GRIA4: variants seen among roughly 807,000 people sequenced by gnomAD.
GRIA4 encodes the protein glutamate ionotropic receptor AMPA type subunit 4, also known as glutamate receptor 4.
Under a neutral mutation model 104.0 loss-of-function variants are expected in GRIA4, and 34 were observed. The observed-to-expected ratio is 0.33, with a 90% CI of 0.25 to 0.44. The LOEUF (loss-of-function observed/expected upper bound fraction) is 0.44. GRIA4 is among the 20% of genes least tolerant of loss of function. The pLI is 1.00. For missense variants in GRIA4, 750 were observed against 1,096.5 expected (o/e 0.68, Z 4.46); for synonymous variants, 386 against 381.9 (o/e 1.01, Z -0.13).
intron 4 of GRIA4, among the ~76,000 whole-genome samples, chr11:105,796,326 TTCAAACC>T (rs1172878294): frequency 8.5e-5 from 13 of 152,198 alleles, no homozygotes; most frequent in Non-Finnish European, 4.4e-5. Context: ...ATTTTTCTTT[TTCAAACC>T]TTGAATCTGA....
chr11:105,649,717 A>G (rs1344508651), intron 3 of GRIA4, among the ~76,000 whole-genome samples: 1 of 152,108 alleles, frequency 6.6e-6, no homozygotes, highest in Admixed American at 6.6e-5. Context: ...AATTGGCTTC[A>G]TCTTTCAGAA....
At chr11:105,791,043 G>T (rs558533103) in intron 4 of GRIA4, among the ~76,000 whole-genome samples, 7 of 152,236 alleles carry the variant, frequency 4.6e-5, no homozygotes, top group African/African-American at 1.7e-4. Flanking sequence ...TAGATGATGA[G>T]CTCGGCTGAT....
chr11:105,638,365 G>A (rs933036537), intron 3 of GRIA4, among the ~76,000 whole-genome samples: 2 of 152,168 alleles, frequency 1.3e-5, no homozygotes, highest in South Asian at 2.1e-4. Context: ...CAAAAGCAGA[G>A]TGTAGTTGCA....
intron 4 of GRIA4, among the ~76,000 whole-genome samples, chr11:105,768,231 T>C (rs1339287856): frequency 6.6e-6 from 1 of 152,078 alleles, no homozygotes; most frequent in Non-Finnish European, 1.5e-5. Flanking sequence ...AGTTTAATAC[T>C]GAAAGTAAAA....
At position 105,652,397 on chromosome 11, in the gene GRIA4, T is replaced by G. The variant is rs1266007734; in HGVS notation, c.247+39963T>G. Among the ~76,000 whole-genome samples the G allele has an allele frequency of 3.9e-5, 6 of 152,156 alleles. No individual in the cohort carries two copies. In the East Asian group the frequency reaches 9.7e-4, roughly 25 times the overall value. Reference sequence around the variant, plus strand: ...CTGACTCGAGGTAGGCTGGGCTGAGTAGAGTTTTCTATTTTAACACAGGCT... The same window carrying G: ...CTGACTCGAGGTAGGCTGGGCTGAGGAGAGTTTTCTATTTTAACACAGGCT... On this transcript the variant is annotated intron_variant, in intron 3 of 16. Transcript: ENST00000282499.
chr11:105,956,834 T>C (rs1387082625), intron 14 of GRIA4, among the ~76,000 whole-genome samples: 1 of 152,252 alleles, frequency 6.6e-6, no homozygotes, highest in Non-Finnish European at 1.5e-5. Context: ...ATTGTGATTT[T>C]GATTAGCATT....
chr11:105,644,580 G>C (rs1297699644), intron 3 of GRIA4, among the ~76,000 whole-genome samples: 1 of 151,948 alleles, frequency 6.6e-6, no homozygotes, highest in Non-Finnish European at 1.5e-5. Flanking sequence ...CTCCATCCTG[G>C]GTGAAAGAGC....
At chr11:105,921,484 G>A (rs77058359) in intron 11 of GRIA4, among the ~76,000 whole-genome samples, 2 of 152,096 alleles carry the variant, frequency 1.3e-5, no homozygotes, top group East Asian at 1.9e-4. Context: ...CAACATCCCC[G>A]ATGTTGGCAG....
chr11:105,664,373 A>G (rs528114889), intron 3 of GRIA4, among the ~76,000 whole-genome samples: 1 of 150,978 alleles, frequency 6.6e-6, no homozygotes, highest in South Asian at 2.1e-4. Flanking sequence ...GTAGCTGGTG[A>G]GCAAATGAGA....
intron 14 of GRIA4, among the ~76,000 whole-genome samples, chr11:105,968,342 C>G (rs117726620): frequency 6.6e-6 from 1 of 152,180 alleles, no homozygotes; most frequent in African/African-American, 2.4e-5. Context: ...TGTGCCAGTA[C>G]CTGTATAGAA....
At chr11:105,791,507 G>A (rs1942213951) in intron 4 of GRIA4, among the ~76,000 whole-genome samples, 1 of 152,152 alleles carries the variant, frequency 6.6e-6, no homozygotes, top group East Asian at 1.9e-4. Context: ...CGTTAATGAA[G>A]ATTACTCCCA....
chr11:105,778,391 T>A (rs1941549228), intron 4 of GRIA4, among the ~76,000 whole-genome samples: 1 of 152,156 alleles, frequency 6.6e-6, no homozygotes, highest in South Asian at 2.1e-4. Flanking sequence ...TAAATGAGCA[T>A]AAATAAAGCA....
chr11:105,642,423 A>G (rs1951393142), intron 3 of GRIA4, among the ~76,000 whole-genome samples: 1 of 151,828 alleles, frequency 6.6e-6, no homozygotes, highest in African/African-American at 2.4e-5. Flanking sequence ...GTCACACCCA[A>G]GACTTCCTGA....
intron 3 of GRIA4, 110 bp from the exon 4 acceptor site, chr11:105,752,871 G>T: frequency 1.0e-6 from 1 of 972,582 alleles, no homozygotes; most frequent in Non-Finnish European, 1.6e-6. Flanking sequence ...ACTCCTGACA[G>T]ATCCAATGAT....
intron 3 of GRIA4, among the ~76,000 whole-genome samples, chr11:105,735,146 T>C (rs1187145855): frequency 6.6e-6 from 1 of 151,988 alleles, no homozygotes; most frequent in East Asian, 1.9e-4. Context: ...AAACATGAAA[T>C]ATTATTCAAA....
chr11:105,793,534 T>C (rs1423462973), intron 4 of GRIA4, among the ~76,000 whole-genome samples: 1 of 152,136 alleles, frequency 6.6e-6, no homozygotes, highest in African/African-American at 2.4e-5. Flanking sequence ...ATTACCTCTC[T>C]TAAAGTGGAT....
At chr11:105,923,543 A>G (rs796504645) in intron 11 of GRIA4, among the ~76,000 whole-genome samples, 4 of 152,286 alleles carry the variant, frequency 2.6e-5, no homozygotes, top group South Asian at 4.1e-4. Flanking sequence ...GAATCCCTCA[A>G]TAAATGCTCA....
At chr11:105,908,830 AATT>A (rs1257915068) in intron 9 of GRIA4, among the ~76,000 whole-genome samples, 1 of 152,072 alleles carries the variant, frequency 6.6e-6, no homozygotes, top group East Asian at 1.9e-4. Context: ...CTTTCCTGAA[AATT>A]GGCTGATGAG....
intron 3 of GRIA4, among the ~76,000 whole-genome samples, chr11:105,629,248 AAAAT>A (rs56314166): frequency 0.014 from 2,000 of 147,074 alleles, 31 homozygotes; most frequent in African/African-American, 0.03. Flanking sequence ...AAATAAACTA[AAAAT>A]AAATAAATAA....
Sources: gnomAD v4.1 joint callset for allele counts (sites outside exome capture counted in the v4.1 genomes callset) on GRCh38, gnomAD v4.1.1 for gene constraint, MANE v1.5 for transcripts, NCBI Gene and HGNC (gene_info 2026-07-23, HGNC 2026-07-21) for gene names.